The following PTPRK variants were observed in gnomAD, a reference collection of about 807,000 sequenced individuals.
The protein encoded by PTPRK is receptor-type tyrosine-protein phosphatase kappa.
A neutral mutation model predicts 178.0 loss-of-function variants in PTPRK; 75 were observed. The observed-to-expected ratio is 0.42, with a 90% confidence interval of 0.35 to 0.51. The LOEUF (loss-of-function observed/expected upper bound fraction) is 0.51, where lower values mean the gene tolerates loss of function less well. PTPRK is among the 20% of genes least tolerant of loss of function. The pLI is 0.02. For synonymous variants in PTPRK, 637 were observed against 620.6 expected, an observed-to-expected ratio of 1.03 and a Z score of -0.39; for missense variants, 1,441 against 1,797.8, an observed-to-expected ratio of 0.80 and a Z score of 3.59.
chr6:128,378,550 A>C (rs1176048799), intron 2 of PTPRK, among the ~76,000 whole-genome samples: 1 of 152,082 alleles, frequency 6.6e-6, no homozygotes, highest in East Asian at 1.9e-4. Flanking sequence ...ATGTTAAAAT[A>C]AGAAAATAAG....
chr6:128,210,292 T>C (rs1201826074), intron 6 of PTPRK, among the ~76,000 whole-genome samples: 1 of 152,078 alleles, frequency 6.6e-6, no homozygotes, highest in Non-Finnish European at 1.5e-5. Flanking sequence ...GACCATTCTC[T>C]TGTTATGCAT....
intron 7 of PTPRK, among the ~76,000 whole-genome samples, chr6:128,102,667 T>C (rs535033248): frequency 1.1e-4 from 16 of 152,318 alleles, no homozygotes; most frequent in East Asian, 3.9e-4. Context: ...TACTTTTGAA[T>C]GTTAATCTCC....
intron 13 of PTPRK, among the ~76,000 whole-genome samples, chr6:128,031,405 G>A (rs1775311115): frequency 6.6e-6 from 1 of 152,170 alleles, no homozygotes; most frequent in Non-Finnish European, 1.5e-5. Context: ...GTTCAATAAT[G>A]ATACAAATTG....
chr6:128,392,534 G>A (rs1336480384), intron 2 of PTPRK, among the ~76,000 whole-genome samples: 1 of 152,126 alleles, frequency 6.6e-6, no homozygotes, highest in Admixed American at 6.5e-5. Context: ...AGATCTAGGA[G>A]AGAACATATA....
intron 13 of PTPRK, among the ~76,000 whole-genome samples, chr6:128,010,877 T>C (rs1778973307): frequency 6.6e-6 from 1 of 151,198 alleles, no homozygotes; most frequent in African/African-American, 2.4e-5. Flanking sequence ...CTTTCTGACT[T>C]GACACTTTCC....
chr6:128,152,961 G>A (rs1172544436), intron 7 of PTPRK, among the ~76,000 whole-genome samples: 2 of 151,864 alleles, frequency 1.3e-5, no homozygotes, highest in African/African-American at 4.8e-5. Flanking sequence ...AACATCTGCA[G>A]GACTGACTCT....
At chr6:128,189,478 A>T (rs1803384149) in intron 6 of PTPRK, among the ~76,000 whole-genome samples, 1 of 151,560 alleles carries the variant, frequency 6.6e-6, no homozygotes, top group South Asian at 2.1e-4. Context: ...TGACCTTGTG[A>T]TCCTCCCACC....
chr6:128,493,709 A>T (rs1854243966), intron 1 of PTPRK, among the ~76,000 whole-genome samples: 1 of 151,980 alleles, frequency 6.6e-6, no homozygotes, highest in East Asian at 1.9e-4. Flanking sequence ...GAAATCACCA[A>T]ATGCAAATGC....
intron 1 of PTPRK, among the ~76,000 whole-genome samples, chr6:128,447,597 C>G (rs1193371999): frequency 2.0e-5 from 3 of 150,762 alleles, no homozygotes; most frequent in South Asian, 4.2e-4. Context: ...AAGCTGTGGC[C>G]ATTTTTGAGT....
intron 1 of PTPRK, among the ~76,000 whole-genome samples, chr6:128,510,687 T>C (rs1857043629): frequency 6.6e-6 from 1 of 152,182 alleles, no homozygotes; most frequent in African/African-American, 2.4e-5. Context: ...TTATCTAAGA[T>C]AGTCTCTTGC....
intron 1 of PTPRK, among the ~76,000 whole-genome samples, chr6:128,494,302 A>G (rs9491968): frequency 0.01 from 1,574 of 152,104 alleles, 31 homozygotes; most frequent in African/African-American, 0.036. Context: ...ATTCACCATC[A>G]CCATTTTTTA....
intron 1 of PTPRK, among the ~76,000 whole-genome samples, chr6:128,444,432 A>C (rs543217661): frequency 6.6e-6 from 1 of 152,106 alleles, no homozygotes; most frequent in African/African-American, 2.4e-5. Context: ...TTTTCCATTC[A>C]CTGACTCCCA....
chr6:128,338,709 C>T (rs1000863536), intron 2 of PTPRK, among the ~76,000 whole-genome samples: 6 of 152,108 alleles, frequency 3.9e-5, no homozygotes, highest in African/African-American at 7.2e-5. Context: ...CCTCCTCTTA[C>T]TCAATAGCTT....
At position 127,970,121 on chromosome 6, in the gene PTPRK, C is replaced by A. The variant is rs1050977345; in HGVS notation, c.*106G>T. The A allele has an allele frequency of 3.0e-5, 23 of 777,276 alleles. No individual in the cohort carries two copies. Among genetic ancestry groups the A allele is most frequent in the African/African-American group, 7.2e-5 (4 of 55,528 alleles). The allele number at this position is 777,276 out of a possible 1,614,324, so 48.1% of individuals were successfully genotyped here. A position where few individuals can be genotyped will look rare whatever the true frequency, so the allele number is the denominator to read the frequency against. On this transcript the variant is annotated 3_prime_UTR_variant, in exon 30 of 30. Coordinates refer to ENST00000368226, the MANE Select transcript of PTPRK (RefSeq NM_002844.4). ...ACCTCTCAAATGTAAAAGTCTCCCA[C>A]CCCCCACATTAAAATCTTTCTGCAC... is the stretch of plus-strand genomic sequence containing the variant.
intron 14 of PTPRK, among the ~76,000 whole-genome samples, chr6:128,008,604 T>C (rs894380585): frequency 7.9e-5 from 12 of 151,148 alleles, no homozygotes; most frequent in African/African-American, 2.9e-4. Context: ...TGATATAGTA[T>C]AAAAAGTTAA....
chr6:128,032,149 A>G (rs746713902), intron 13 of PTPRK, among the ~76,000 whole-genome samples: 5 of 152,144 alleles, frequency 3.3e-5, no homozygotes, highest in Non-Finnish European at 7.4e-5. Context: ...TTCTTGTACA[A>G]CGCAGACTCC....
intron 28 of PTPRK, 89 bp downstream of exon 28, chr6:127,973,575 T>C: frequency 1.4e-6 from 2 of 1,475,106 alleles, no homozygotes; most frequent in Non-Finnish European, 9.2e-7. Context: ...GGGAGGTCCA[T>C]AAGATGCAAG....
At chr6:128,142,251 C>A (rs1257858846) in intron 7 of PTPRK, among the ~76,000 whole-genome samples, 2 of 151,932 alleles carry the variant, frequency 1.3e-5, no homozygotes, top group Non-Finnish European at 2.9e-5. Context: ...TCTCAACAAG[C>A]AACACAAATT....
intron 3 of PTPRK, among the ~76,000 whole-genome samples, chr6:128,273,446 A>C (rs1315249661): frequency 6.6e-6 from 1 of 152,184 alleles, no homozygotes; most frequent in African/African-American, 2.4e-5. Context: ...GCAAAGTCCT[A>C]TACCCATTCT....
Sources: gnomAD v4.1 joint callset for allele counts (sites outside exome capture counted in the v4.1 genomes callset) on GRCh38, gnomAD v4.1.1 for gene constraint, MANE v1.5 for transcripts, NCBI Gene and HGNC (gene_info 2026-07-23, HGNC 2026-07-21) for gene names.